The following CCDC178 variants were observed in gnomAD, a reference collection of about 807,000 sequenced individuals.
The protein encoded by CCDC178 is coiled-coil domain-containing protein 178.
In CCDC178, 126 loss-of-function variants were observed where a neutral mutation model predicts 117.4. The ratio of observed to expected loss-of-function variants is 1.07; its 90% confidence interval spans 0.93 to 1.24. The LOEUF (loss-of-function observed/expected upper bound fraction) is 1.24. CCDC178 is among the 50% of genes most tolerant of loss of function. The pLI is 0.00. For missense variants in CCDC178, 1,030 were observed against 986.9 expected, an observed-to-expected ratio of 1.04 and a Z score of -0.59; for synonymous variants, 283 against 313.4, an observed-to-expected ratio of 0.90 and a Z score of 1.02.
chr18:33,017,186 G>C (rs956550808), intron 21 of CCDC178, among the ~76,000 whole-genome samples: 2 of 151,774 alleles, frequency 1.3e-5, no homozygotes, highest in Non-Finnish European at 3.0e-5. Context: ...TATATGACAT[G>C]CTTTTATATA....
intron 14 of CCDC178, among the ~76,000 whole-genome samples, chr18:33,261,386 A>ATGAG (rs1405008995): frequency 6.6e-6 from 1 of 152,134 alleles, no homozygotes. Context: ...CCCGGCCTGC[A>ATGAG]TGAGTGAGTG....
Position 33,397,977 on chromosome 18 carries a change from T to C in CCDC178, c.59-769A>G, listed in dbSNP as rs141750892. On this transcript the variant is annotated intron_variant, in intron 3 of 22. Coordinates refer to ENST00000383096, the MANE Select transcript of CCDC178 (RefSeq NM_001105528.4). ...TAAATTATGCTTCACATTAGGAAGA[T>C]AAACATTGTAAAAGTATCTTTTTCC... is the stretch of plus-strand genomic sequence containing the variant. Among the ~76,000 whole-genome samples the C allele has an allele frequency of 7.7e-3, 1,176 of 152,226 alleles. 18 individuals carry two copies. Among genetic ancestry groups the C allele is most frequent in the African/African-American group, 0.027 (1,110 of 41,576 alleles).
chr18:33,155,855 G>A (rs906684817), intron 20 of CCDC178, among the ~76,000 whole-genome samples: 1 of 152,022 alleles, frequency 6.6e-6, no homozygotes, highest in East Asian at 1.9e-4. Context: ...CATTACTGGG[G>A]GTATTTCATG....
intron 21 of CCDC178, among the ~76,000 whole-genome samples, chr18:33,069,989 C>A (rs2057080711): frequency 6.6e-6 from 1 of 151,896 alleles, no homozygotes; most frequent in Admixed American, 6.6e-5. Context: ...TATCTTATCC[C>A]AGTTAAAATA....
chr18:33,110,401 A>G (rs2057765168), intron 20 of CCDC178, among the ~76,000 whole-genome samples: 1 of 151,612 alleles, frequency 6.6e-6, no homozygotes, highest in Non-Finnish European at 1.5e-5. Context: ...TTTTTAAAAG[A>G]GTACAGTTTA....
intron 2 of CCDC178, among the ~76,000 whole-genome samples, chr18:33,422,229 TTTC>T (rs1203155170): frequency 2.0e-5 from 3 of 152,182 alleles, no homozygotes; most frequent in Admixed American, 6.6e-5. Context: ...CACACATTCT[TTTC>T]TTTTCTACCC....
chr18:33,159,641 C>A (rs905952915), intron 20 of CCDC178, among the ~76,000 whole-genome samples: 1 of 151,984 alleles, frequency 6.6e-6, no homozygotes, highest in South Asian at 2.1e-4. Context: ...CAAATAGATC[C>A]GGGTAATCCC....
chr18:33,124,897 T>C (rs1018717590), intron 20 of CCDC178, among the ~76,000 whole-genome samples: 5 of 152,206 alleles, frequency 3.3e-5, no homozygotes, highest in Non-Finnish European at 7.3e-5. Flanking sequence ...CCTGTAAGCA[T>C]GTGCATTGGT....
At chr18:33,269,420 C>T (rs1367620171) in intron 12 of CCDC178, among the ~76,000 whole-genome samples, 1 of 151,682 alleles carries the variant, frequency 6.6e-6, no homozygotes, top group Non-Finnish European at 1.5e-5. Context: ...TCTGGAAATA[C>T]CTGAGAAGCT....
chr18:33,100,641 G>A lies in CCDC178; in HGVS notation c.2239-7731C>T, dbSNP rs184123495. Among the ~76,000 whole-genome samples, 2 of 152,008 alleles carry A rather than the reference G, an allele frequency of 1.3e-5. 1 individual carries two copies. The highest frequency in any genetic ancestry group is 1.3e-4 in the Admixed American group (2 of 15,232). On this transcript the variant is annotated intron_variant, in intron 20 of 22. Transcript: ENST00000383096. The stretch of plus-strand genomic sequence containing the variant: ...ATTTCATATAAGAGCTCTGTATGTG[G>A]TCTTAGCAGGGAAAACCTGACCCAG...
At chr18:33,350,107 T>C (rs1481686859) in intron 7 of CCDC178, among the ~76,000 whole-genome samples, 2 of 152,020 alleles carry the variant, frequency 1.3e-5, no homozygotes, top group African/African-American at 4.8e-5. Flanking sequence ...TTTTAAAAAA[T>C]TGAAAAATAA....
chr18:33,161,337 C>T (rs1046057763), intron 20 of CCDC178, among the ~76,000 whole-genome samples: 2 of 151,924 alleles, frequency 1.3e-5, no homozygotes, highest in South Asian at 2.1e-4. Context: ...ACATGAACAC[C>T]GAGACTAATG....
At chr18:32,955,935 C>A (rs935122511) in intron 22 of CCDC178, among the ~76,000 whole-genome samples, 1 of 152,142 alleles carries the variant, frequency 6.6e-6, no homozygotes, top group Non-Finnish European at 1.5e-5. Flanking sequence ...TACTGTTTTC[C>A]TCCAAGTGTC....
chr18:32,990,250 A>C (rs1181364976), intron 21 of CCDC178, among the ~76,000 whole-genome samples: 1 of 152,148 alleles, frequency 6.6e-6, no homozygotes, highest in Non-Finnish European at 1.5e-5. Flanking sequence ...TAGGGAACTT[A>C]GGAAAAATGA....
intron 21 of CCDC178, among the ~76,000 whole-genome samples, chr18:33,080,541 G>A (rs149621806): frequency 6.6e-6 from 1 of 152,192 alleles, no homozygotes; most frequent in Non-Finnish European, 1.5e-5. Flanking sequence ...TCCATCCCAC[G>A]AGGCCATCAG....
chr18:33,421,794 G>A (rs1378613526), intron 2 of CCDC178, among the ~76,000 whole-genome samples: 2 of 152,274 alleles, frequency 1.3e-5, no homozygotes, highest in Non-Finnish European at 2.9e-5. Context: ...TAGAAACAGG[G>A]ATATGAGAAT....
chr18:32,956,208 C>T (rs1386744237), intron 22 of CCDC178, among the ~76,000 whole-genome samples: 1 of 152,102 alleles, frequency 6.6e-6, no homozygotes, highest in African/African-American at 2.4e-5. Flanking sequence ...TCCTGGCTAT[C>T]CATATATTTA....
intron 12 of CCDC178, among the ~76,000 whole-genome samples, chr18:33,282,242 G>A (rs1345123535): frequency 6.6e-6 from 1 of 152,188 alleles, no homozygotes; most frequent in African/African-American, 2.4e-5. Context: ...GGACACTTGA[G>A]GTGGCAAGGA....
At chr18:33,215,890 G>A (rs901148845) in intron 18 of CCDC178, among the ~76,000 whole-genome samples, 195 bp from the exon 19 acceptor site, 5 of 151,980 alleles carry the variant, frequency 3.3e-5, no homozygotes, top group African/African-American at 1.2e-4. Context: ...AGAGCCAGGA[G>A]TTCAAGACCA....
Sources: allele counts gnomAD v4.1 joint callset (sites outside exome capture counted in the v4.1 genomes callset), GRCh38; gene constraint gnomAD v4.1.1; transcripts MANE v1.5; gene names NCBI Gene and HGNC (gene_info 2026-07-23, HGNC 2026-07-21).